The following SRGAP3 variants were observed in gnomAD, a reference collection of about 807,000 sequenced individuals.
SRGAP3 encodes the protein SLIT-ROBO Rho GTPase activating protein 3.
A neutral mutation model predicts 121.1 loss-of-function variants in SRGAP3; 39 were observed. The ratio of observed to expected loss-of-function variants is 0.32; its 90% CI spans 0.25 to 0.42. The LOEUF (loss-of-function observed/expected upper bound fraction) is 0.42, where lower values mean the gene tolerates loss of function less well. Ranked by LOEUF, SRGAP3 falls within the 10% of genes least tolerant of loss-of-function variation. The pLI is 1.00. For missense variants in SRGAP3, 1,213 were observed against 1,470.6 expected, an observed-to-expected ratio of 0.82 and a Z score of 2.86; for synonymous variants, 601 against 570.0, an observed-to-expected ratio of 1.05 and a Z score of -0.77.
intron 1 of SRGAP3, among the ~76,000 whole-genome samples, chr3:9,180,730 G>A (rs181167649): frequency 1.3e-5 from 2 of 152,302 alleles, no homozygotes; most frequent in Admixed American, 1.3e-4. Flanking sequence ...GCAATTCCCA[G>A]AGAGCTTTAC....
chr3:9,015,271 A>G (rs1314166211), intron 15 of SRGAP3, among the ~76,000 whole-genome samples: 2 of 149,570 alleles, frequency 1.3e-5, no homozygotes, highest in Non-Finnish European at 2.9e-5. Context: ...CACTGGGTCT[A>G]TGTCCCTTGC....
intron 1 of SRGAP3, among the ~76,000 whole-genome samples, chr3:9,224,068 GA>G (rs1952905305): frequency 6.6e-6 from 1 of 152,090 alleles, no homozygotes; most frequent in Non-Finnish European, 1.5e-5. Context: ...GAGAAGGCCT[GA>G]CCCTCCTCTC....
intron 1 of SRGAP3, among the ~76,000 whole-genome samples, chr3:9,354,607 G>A (rs1409797087): frequency 2.0e-5 from 3 of 151,520 alleles, no homozygotes; most frequent in East Asian, 1.9e-4. Context: ...GTGTGAACCC[G>A]GGAGGCGGAG....
intron 1 of SRGAP3, among the ~76,000 whole-genome samples, chr3:9,147,303 G>A (rs890641273): frequency 5.9e-5 from 9 of 152,186 alleles, no homozygotes; most frequent in Non-Finnish European, 1.2e-4. Flanking sequence ...GCAGCCACCA[G>A]AGAAGTGGGG....
intron 4 of SRGAP3, 56 bp from the exon 5 acceptor site, chr3:9,064,637 C>A: frequency 6.3e-7 from 1 of 1,596,828 alleles, no homozygotes; most frequent in Non-Finnish European, 8.5e-7. Context: ...GCACGGCCCT[C>A]CCTGTTACTC....
At chr3:9,285,478 C>T (rs1559259810) in intron 3 of SRGAP3, among the ~76,000 whole-genome samples, 1 of 147,760 alleles carries the variant, frequency 6.8e-6, no homozygotes, top group Non-Finnish European at 1.5e-5. Context: ...CTCCCTATAC[C>T]TGGAGGAAAA....
At chr3:9,257,281 A>C (rs1159393717) in intron 3 of SRGAP3, 2 of 153,148 alleles carry the variant, frequency 1.3e-5, no homozygotes, top group African/African-American at 4.8e-5. Flanking sequence ...GGGTTAAATG[A>C]GGTCATGAGG....
intron 3 of SRGAP3, among the ~76,000 whole-genome samples, chr3:9,303,389 C>T (rs1236397860): frequency 6.7e-6 from 1 of 150,334 alleles, no homozygotes; most frequent in Non-Finnish European, 1.5e-5. Context: ...CGCACCACTG[C>T]ACTCCAGCCT....
intron 8 of SRGAP3, among the ~76,000 whole-genome samples, chr3:9,055,821 T>C (rs1363946093): frequency 6.6e-6 from 1 of 152,224 alleles, no homozygotes; most frequent in Non-Finnish European, 1.5e-5. Context: ...CCTAGGAATA[T>C]ACATATGCTT....
At chr3:9,073,819 T>A (rs1368240318) in intron 4 of SRGAP3, among the ~76,000 whole-genome samples, 5 of 152,206 alleles carry the variant, frequency 3.3e-5, no homozygotes. Flanking sequence ...TTGTCACCAC[T>A]TGCATAAAAC....
chr3:9,192,513 G>C (rs1272465296), intron 1 of SRGAP3: 1 of 152,142 alleles, frequency 6.6e-6, no homozygotes, highest in East Asian at 1.9e-4. Context: ...GCTATGTTTT[G>C]TCACACATCA....
chr3:9,286,985 TC>T (rs1225862767), intron 3 of SRGAP3, among the ~76,000 whole-genome samples: 15 of 121,290 alleles, frequency 1.2e-4, no homozygotes, highest in African/African-American at 3.8e-4. Flanking sequence ...ACACTGACAC[TC>T]TTTTTTTTTT....
intron 1 of SRGAP3, 172 bp from the exon 2 acceptor site, chr3:9,125,089 A>T (rs1204594651): frequency 1.4e-6 from 1 of 728,386 alleles, no homozygotes; most frequent in African/African-American, 1.8e-5. Context: ...CATTGGCACA[A>T]AGATTTCTCT....
intron 1 of SRGAP3, among the ~76,000 whole-genome samples, chr3:9,156,106 C>T (rs1487374994): frequency 2.0e-5 from 3 of 152,236 alleles, no homozygotes; most frequent in Admixed American, 6.5e-5. Context: ...TGAGCCACCA[C>T]GCCTGGCCAA....
chr3:9,079,835 C>T (rs1947156521), intron 4 of SRGAP3, among the ~76,000 whole-genome samples, 190 bp downstream of exon 4: 1 of 152,256 alleles, frequency 6.6e-6, no homozygotes, highest in Non-Finnish European at 1.5e-5. Flanking sequence ...GGCCCTGCCC[C>T]AGATGTACAG....
chr3:9,268,483 G>C (rs1294893890), intron 3 of SRGAP3, among the ~76,000 whole-genome samples: 2 of 152,108 alleles, frequency 1.3e-5, no homozygotes, highest in African/African-American at 4.8e-5. Flanking sequence ...AGAAATGTCT[G>C]CTGTTTAAGC....
chr3:9,056,307 C>A lies in SRGAP3; in HGVS notation c.1051G>T (p.Val351Phe). 2 of 1,613,650 alleles carry A rather than the reference C, an allele frequency of 1.2e-6. No homozygotes were observed. Among genetic ancestry groups the A allele is most frequent in the Non-Finnish European group, 1.7e-6 (2 of 1,179,938 alleles). ...EVCQVSAQQP[V>F]QTELLMRYHQ... is the part of the protein sequence containing the mutation. Reference sequence around the variant, plus strand: ...TAACGCATGAGCAGTTCTGTCTGGACGGGCTGCTGAGCGCTGACCTGGCAG... The same window carrying A: ...TAACGCATGAGCAGTTCTGTCTGGAAGGGCTGCTGAGCGCTGACCTGGCAG... Residue 351 changes from valine (V) to phenylalanine (F), a missense_variant, in exon 8 of 22, where the codon GTC (valine) becomes TTC (phenylalanine). This residue lies in a region of SRGAP3 where 793 missense variants were observed against 1,032.9 expected (regional missense o/e 0.77). Transcript: ENST00000383836.
At chr3:9,167,786 T>G (rs1950842300) in intron 1 of SRGAP3, among the ~76,000 whole-genome samples, 1 of 152,190 alleles carries the variant, frequency 6.6e-6, no homozygotes, top group African/African-American at 2.4e-5. Flanking sequence ...TTTTCTCTAC[T>G]TCTACACAAG....
intron 1 of SRGAP3, 120 bp from the exon 2 acceptor site, chr3:9,125,037 CCT>C (rs1301028241): frequency 1.9e-5 from 21 of 1,109,126 alleles, no homozygotes; most frequent in Non-Finnish European, 2.7e-6. Context: ...CCATCCAGAG[CCT>C]CTCTGAGCCC....
Sources: allele counts gnomAD v4.1 joint callset (sites outside exome capture counted in the v4.1 genomes callset), GRCh38; gene constraint gnomAD v4.1.1; regional missense constraint gnomAD v4.1.1; transcripts MANE v1.5; gene names NCBI Gene and HGNC (gene_info 2026-07-23, HGNC 2026-07-21).